The following RELN variants were observed in gnomAD, a reference collection of about 807,000 sequenced individuals.
RELN encodes the protein reelin.
A neutral mutation model predicts 427.6 loss-of-function variants in RELN; 108 were observed. The observed-to-expected ratio is 0.25, with a 90% CI of 0.22 to 0.30. RELN has a LOEUF of 0.30. Among genes scored for constraint, RELN ranks in the 10% least tolerant of loss-of-function variants. RELN has a pLI of 1.00. For missense variants in RELN, 3,715 were observed against 4,302.8 expected, an observed-to-expected ratio of 0.86 and a Z score of 3.82; for synonymous variants, 1,524 against 1,513.4, an observed-to-expected ratio of 1.01 and a Z score of -0.16.
At chr7:103,575,825 C>T in intron 28 of RELN, 120 bp from the exon 29 acceptor site, 1 of 1,070,716 alleles carries the variant, frequency 9.3e-7, no homozygotes, top group Non-Finnish European at 1.4e-6. Flanking sequence ...GTCATGTCTG[C>T]TTGACTGCAC....
chr7:103,544,911 A>C (rs1830254509), intron 42 of RELN, among the ~76,000 whole-genome samples: 1 of 152,208 alleles, frequency 6.6e-6, no homozygotes, highest in Non-Finnish European at 1.5e-5. Context: ...TTCTCAATAA[A>C]GGTCTTGTAG....
intron 2 of RELN, among the ~76,000 whole-genome samples, chr7:103,855,042 T>A (rs944026292): frequency 1.3e-5 from 2 of 152,194 alleles, no homozygotes; most frequent in African/African-American, 4.8e-5. Context: ...AATGAATGTA[T>A]CAAATGAATA....
intron 2 of RELN, among the ~76,000 whole-genome samples, chr7:103,840,092 C>A (rs1438341558): frequency 6.6e-6 from 1 of 152,238 alleles, no homozygotes; most frequent in Non-Finnish European, 1.5e-5. Flanking sequence ...AAGGCCTCCC[C>A]AGGAGAAGCC....
intron 11 of RELN, among the ~76,000 whole-genome samples, chr7:103,669,862 A>G (rs1584393158): frequency 6.6e-6 from 1 of 152,160 alleles, no homozygotes; most frequent in Admixed American, 6.5e-5. Flanking sequence ...CTAAAATTAA[A>G]AAGCCCTTAC....
rs138087072 is a variant in RELN at position 103,903,672 on chromosome 7, T to C, written c.337+13403A>G. Among the ~76,000 whole-genome samples the C allele has an allele frequency of 1.9e-3, 293 of 152,240 alleles. 1 individual carries two copies. The highest frequency in any genetic ancestry group is 6.8e-3 in the African/African-American group (283 of 41,562). On this transcript the variant is annotated intron_variant, in intron 2 of 64. Transcript: ENST00000428762. ...GATGTTCTTTTTTTTGTTTTTGATATGATTATATATGTTTCCTATATATGA... is the reference window on the plus strand; with the variant it reads ...GATGTTCTTTTTTTTGTTTTTGATACGATTATATATGTTTCCTATATATGA...
chr7:103,932,204 C>G (rs1563098290), intron 1 of RELN, among the ~76,000 whole-genome samples: 1 of 152,148 alleles, frequency 6.6e-6, no homozygotes, highest in Non-Finnish European at 1.5e-5. Context: ...TACTACACAG[C>G]CATAGAAAAG....
chr7:103,931,268 A>C (rs1280699665), intron 1 of RELN, among the ~76,000 whole-genome samples: 1 of 152,138 alleles, frequency 6.6e-6, no homozygotes, highest in Non-Finnish European at 1.5e-5. Context: ...TCCCAGTTTC[A>C]GGCCTTTGTT....
chr7:103,600,730 A>T (rs1831646174), intron 24 of RELN, among the ~76,000 whole-genome samples: 1 of 152,218 alleles, frequency 6.6e-6, no homozygotes, highest in South Asian at 2.1e-4. Context: ...TATTTTGACA[A>T]AAATTTAGGG....
intron 2 of RELN, among the ~76,000 whole-genome samples, chr7:103,862,409 T>TTCATTCTA (rs57691471): frequency 6.9e-6 from 1 of 144,734 alleles, no homozygotes. Flanking sequence ...TATGCTTTTG[T>TTCATTCTA]TCTATCTATC....
At chr7:103,678,247 T>C (rs2115674596) in intron 11 of RELN, among the ~76,000 whole-genome samples, 1 of 152,308 alleles carries the variant, frequency 6.6e-6, no homozygotes, top group Non-Finnish European at 1.5e-5. Flanking sequence ...ATTATAGCAA[T>C]GTTCTACAAA....
chr7:103,561,875 TACA>T lies in RELN; in HGVS notation c.5286_5288del (p.Val1763del). On this transcript the variant is annotated inframe_deletion, in exon 35 of 65. Coordinates refer to ENST00000428762, the MANE Select transcript of RELN (RefSeq NM_005045.4). ...ACATCCAAGGGCACCCTGAGGCCAG[TACA>T]ACATTATCAATCGCCCAGGAATCAG... The T allele has an allele frequency of 6.2e-7, 1 of 1,601,522 alleles. No homozygotes were observed.
chr7:103,768,478 A>G (rs549251540), intron 4 of RELN, among the ~76,000 whole-genome samples: 227 of 152,318 alleles, frequency 1.5e-3, no homozygotes, highest in African/African-American at 5.2e-3. Flanking sequence ...TGGTACATGT[A>G]TTTTACAACC....
rs1586469325 is a variant in RELN at position 103,483,915 on chromosome 7, T to G, written c.9984-65A>C. On this transcript the variant is annotated intron_variant, in intron 61 of 64. Coordinates refer to ENST00000428762, the MANE Select transcript of RELN (RefSeq NM_005045.4). ...TATTTTTTGAGATGGAGTCTTGCTC[T>G]GTCACCCAGGCTGGAGTACAGTGGT... 2.7e-6 allele frequency: 4 copies of G among 1,484,970 alleles called. No individual in the cohort carries two copies. The East Asian group carries it at 9.8e-5, about 36-fold the overall frequency. The allele number at this position is 1,484,970 out of a possible 1,614,324, so 92.0% of individuals were successfully genotyped here.
intron 12 of RELN, among the ~76,000 whole-genome samples, chr7:103,656,211 G>T (rs903287378): frequency 3.9e-5 from 6 of 151,976 alleles, no homozygotes; most frequent in African/African-American, 1.4e-4. Flanking sequence ...AATAACAGAT[G>T]ATTTATATTT....
At chr7:103,570,930 C>G (rs1185854406) in intron 31 of RELN, among the ~76,000 whole-genome samples, 2 of 152,056 alleles carry the variant, frequency 1.3e-5, no homozygotes, top group Non-Finnish European at 2.9e-5. Context: ...AATAAAAGCA[C>G]CTAGAACAAT....
At chr7:103,547,261 G>A (rs1830317437) in intron 41 of RELN, among the ~76,000 whole-genome samples, 1 of 152,172 alleles carries the variant, frequency 6.6e-6, no homozygotes, top group African/African-American at 2.4e-5. Context: ...CTAAAATTTA[G>A]TGGATAGTAA....
intron 3 of RELN, among the ~76,000 whole-genome samples, chr7:103,816,913 G>A (rs903939126): frequency 4.0e-5 from 6 of 151,874 alleles, no homozygotes; most frequent in South Asian, 2.1e-4. Flanking sequence ...GTGCAATGAC[G>A]CGATCTTGGC....
intron 1 of RELN, among the ~76,000 whole-genome samples, chr7:103,928,888 G>C (rs1795801736): frequency 6.6e-6 from 1 of 152,130 alleles, no homozygotes; most frequent in African/African-American, 2.4e-5. Context: ...TGTATGTTCT[G>C]GCTGAATTGA....
At chr7:103,514,889 T>G (rs947082936) in intron 50 of RELN, among the ~76,000 whole-genome samples, 4 of 152,166 alleles carry the variant, frequency 2.6e-5, no homozygotes, top group Non-Finnish European at 5.9e-5. Flanking sequence ...ATCTTTGGCT[T>G]TCTACCCAAA....
Sources: allele counts gnomAD v4.1 joint callset (sites outside exome capture counted in the v4.1 genomes callset), GRCh38; gene constraint gnomAD v4.1.1; transcripts MANE v1.5; gene names NCBI Gene and HGNC (gene_info 2026-07-23, HGNC 2026-07-21).